PRKDC: variants seen among roughly 807,000 people sequenced by gnomAD.
PRKDC encodes protein kinase, DNA-activated, catalytic subunit.
A neutral mutation model predicts 486.9 loss-of-function variants in PRKDC; 82 were observed. The ratio of observed to expected loss-of-function variants is 0.17; its 90% confidence interval spans 0.14 to 0.20. The LOEUF is 0.20. Among genes scored for constraint, PRKDC ranks in the 10% least tolerant of loss-of-function variants. PRKDC has a pLI of 1.00. For missense variants in PRKDC, 4,504 were observed against 5,038.2 expected, an observed-to-expected ratio of 0.89 and a Z score of 3.21; for synonymous variants, 1,895 against 1,837.0, an observed-to-expected ratio of 1.03 and a Z score of -0.81.
chr8:47,798,678 T>A (rs1257924541), intron 72 of PRKDC, among the ~76,000 whole-genome samples: 2 of 152,220 alleles, frequency 1.3e-5, no homozygotes, highest in Non-Finnish European at 1.5e-5. Flanking sequence ...TCCAGGAGCA[T>A]GAAGCAGGCC....
intron 48 of PRKDC, among the ~76,000 whole-genome samples, chr8:47,857,685 C>T (rs1004285704): frequency 6.6e-6 from 1 of 152,166 alleles, no homozygotes; most frequent in Non-Finnish European, 1.5e-5. Context: ...TGAGTCCCCC[C>T]AGTATGGCAC....
intron 54 of PRKDC, among the ~76,000 whole-genome samples, chr8:47,842,889 C>A (rs762920989): frequency 2.0e-5 from 3 of 152,170 alleles, no homozygotes; most frequent in African/African-American, 7.2e-5. Flanking sequence ...ACAAGCCAGG[C>A]GTGGTGGATC....
chr8:47,855,046 G>A (rs1450767927), intron 50 of PRKDC, among the ~76,000 whole-genome samples, 176 bp downstream of exon 50: 1 of 152,292 alleles, frequency 6.6e-6, no homozygotes, highest in East Asian at 1.9e-4. Context: ...GCCACTGGAG[G>A]GTGCGAGACA....
chr8:47,852,925 T>C (rs1325949350), intron 51 of PRKDC, 141 bp from the exon 52 acceptor site: 2 of 636,010 alleles, frequency 3.1e-6, no homozygotes, highest in Non-Finnish European at 5.5e-6. Flanking sequence ...GCAAATTCCA[T>C]GCACAAATGC....
chr8:47,890,635 A>T (rs1369114918), intron 31 of PRKDC, among the ~76,000 whole-genome samples, 155 bp from the exon 32 acceptor site: 1 of 152,232 alleles, frequency 6.6e-6, no homozygotes, highest in Non-Finnish European at 1.5e-5. Context: ...AGCTGAATAA[A>T]GTGGCATTTA....
Position 47,902,643 on chromosome 8 carries a change from G to T in PRKDC, c.3195C>A (p.Ser1065Arg). The change falls in exon 27 of 86, where the codon AGC (serine) becomes AGA (arginine). Residue 1065 changes from serine (S) to arginine (R), a missense_variant. Ser to Arg is a moderately radical substitution (Grantham distance 110, BLOSUM62 -1). This residue lies in a region of PRKDC where 1,969 missense variants were observed against 2,068.9 expected (regional missense o/e 0.95). Transcript: ENST00000314191. ...TGAAAGCATTGGGGTGAAGCGCAAG[G>T]CTATAAAGTCGCTTGAAAAGCGATT... ...NTKSLFKRLY[S>R]LALHPNAFKR... The T allele has an allele frequency of 6.2e-7, 1 of 1,613,686 alleles. No individual in the cohort carries two copies. Among genetic ancestry groups the T allele is most frequent in the Non-Finnish European group, 8.5e-7 (1 of 1,179,718 alleles).
rs372235198 is a variant in PRKDC, at chr8:47,797,527, G to T, written c.10458+710C>A. ...TCACCATGCAAAGCTAATAGAGAACGAACCATGTAACCCTTTTTGAACTAT... is the reference window on the plus strand; with the variant it reads ...TCACCATGCAAAGCTAATAGAGAACTAACCATGTAACCCTTTTTGAACTAT... On this transcript the variant is annotated intron_variant, in intron 73 of 85. Coordinates refer to ENST00000314191, the MANE Select transcript of PRKDC (RefSeq NM_006904.7). 3.3e-5 allele frequency among the ~76,000 whole-genome samples: 5 copies of T among 152,204 alleles called. No individual in the cohort carries two copies. The East Asian group carries it at 7.7e-4, about 23-fold the overall frequency.
intron 21 of PRKDC, among the ~76,000 whole-genome samples, chr8:47,922,128 C>A (rs892125065): frequency 6.6e-6 from 1 of 150,388 alleles, no homozygotes; most frequent in South Asian, 2.1e-4. Context: ...CAGCACCCAG[C>A]CTGATTTTTC....
Position 47,843,580 on chromosome 8 carries a change from C to A in PRKDC, c.7281-3391G>T, listed in dbSNP as rs192090515. On this transcript the variant is annotated intron_variant, in intron 54 of 85. Transcript: ENST00000314191. ...GTGACATACTATACAAGACCATCCC[C>A]AAGACACATAGTTATCAGATTTTCC... Among the ~76,000 whole-genome samples the A allele has an allele frequency of 3.3e-4, 50 of 152,182 alleles. No homozygotes were observed. The East Asian group carries it at 8.1e-3, about 25-fold the overall frequency.
chr8:47,789,267 C>A, intron 74 of PRKDC, 29 bp from the exon 75 acceptor site: 1 of 1,365,562 alleles, frequency 7.3e-7, no homozygotes. Flanking sequence ...AAAGTTTAGG[C>A]AATCAAATAT....
Position 47,820,858 on chromosome 8 carries a change from T to C in PRKDC, c.9197A>G (p.Asp3066Gly). ...EADQSLLTFI[D>G]KAMHGELQKA... ...CTGGAGCTCCCCGTGCATAGCTTTG[T>C]CAATAAATGTCAGCAGGGACTGGTC... is the stretch of plus-strand genomic sequence containing the variant. Residue 3066 changes from aspartate (D) to glycine (G), a missense_variant, in exon 66 of 86, where the codon GAC (aspartate) becomes GGC (glycine). Transcript: ENST00000314191. The C allele has an allele frequency of 6.2e-7, 1 of 1,612,268 alleles. No homozygotes were observed. Among genetic ancestry groups the C allele is most frequent in the Non-Finnish European group, 8.5e-7 (1 of 1,178,770 alleles).
chr8:47,874,072 T>C (rs963135660), intron 40 of PRKDC, among the ~76,000 whole-genome samples: 2 of 147,580 alleles, frequency 1.4e-5, no homozygotes, highest in African/African-American at 2.5e-5. Context: ...GCCTCCCGGG[T>C]AGCTGGGACT....
chr8:47,901,956 C>T (rs2089691924), intron 27 of PRKDC, among the ~76,000 whole-genome samples: 1 of 152,124 alleles, frequency 6.6e-6, no homozygotes, highest in Non-Finnish European at 1.5e-5. Flanking sequence ...TACTCAGACC[C>T]ACTCTCTACA....
intron 22 of PRKDC, 26 bp from the exon 23 acceptor site, chr8:47,915,444 T>A (rs2154502885): frequency 1.5e-6 from 2 of 1,304,394 alleles, no homozygotes; most frequent in East Asian, 5.3e-5. Flanking sequence ...ATTGTATATA[T>A]GTGATTACAA....
intron 74 of PRKDC, among the ~76,000 whole-genome samples, chr8:47,789,530 A>T (rs1286677208): frequency 1.3e-5 from 2 of 152,090 alleles, no homozygotes; most frequent in Non-Finnish European, 2.9e-5. Context: ...ACAAGGGAGG[A>T]GGGAATACGT....
Position 47,858,932 on chromosome 8 carries a change from G to T in PRKDC, c.6262C>A (p.Leu2088Ile). Residue 2088 changes from leucine (L) to isoleucine (I), a missense_variant, in exon 47 of 86, where the codon CTC becomes ATC. This residue lies in a region of PRKDC where 1,592 missense variants were observed against 1,724.6 expected (regional missense o/e 0.92). Coordinates refer to ENST00000314191, the MANE Select transcript of PRKDC (RefSeq NM_006904.7). The stretch of plus-strand genomic sequence containing the variant: ...GGCGCCATGCACTCATGCCGATTGA[G>T]CTCGTCCATCTCCAGCTCCAGCACA... The part of the protein sequence containing the change: ...DDVLELEMDE[L>I]NRHECMAPLT... The T allele has an allele frequency of 6.2e-7, 1 of 1,613,690 alleles. No homozygotes were observed. Among genetic ancestry groups the T allele is most frequent in the South Asian group, 1.1e-5 (1 of 91,080 alleles).
At chr8:47,792,667 A>G (rs531711641) in intron 74 of PRKDC, among the ~76,000 whole-genome samples, 1 of 152,178 alleles carries the variant, frequency 6.6e-6, no homozygotes, top group African/African-American at 2.4e-5. Flanking sequence ...TACTCCACTT[A>G]CCCTGATGTG....
At chr8:47,933,941 A>G in intron 15 of PRKDC, 24 bp downstream of exon 15, 2 of 1,598,002 alleles carry the variant, frequency 1.3e-6, no homozygotes, top group Non-Finnish European at 8.5e-7. Flanking sequence ...AGGTACATTT[A>G]TGGCTTTCAA....
intron 59 of PRKDC, among the ~76,000 whole-genome samples, chr8:47,833,958 C>G (rs969241700): frequency 1.3e-5 from 2 of 152,226 alleles, no homozygotes; most frequent in African/African-American, 2.4e-5. Context: ...CCCACTCTTA[C>G]TGCTCCAGAA....
Sources: allele counts gnomAD v4.1 joint callset (sites outside exome capture counted in the v4.1 genomes callset), GRCh38; gene constraint gnomAD v4.1.1; regional missense constraint gnomAD v4.1.1; transcripts MANE v1.5; gene names NCBI Gene and HGNC (gene_info 2026-07-23, HGNC 2026-07-21).